CERS3: variants seen among roughly 807,000 people sequenced by gnomAD.
The protein encoded by CERS3 is ceramide synthase 3, also known as LAG1 homolog, ceramide synthase 3.
A neutral mutation model predicts 50.3 loss-of-function variants in CERS3; 33 were observed. That is an observed-to-expected ratio of 0.66 (90% CI 0.50 to 0.88). The LOEUF (loss-of-function observed/expected upper bound fraction) is 0.88, where lower values mean the gene tolerates loss of function less well. Among genes scored for constraint, CERS3 ranks in the 40% least tolerant of loss-of-function variants. The pLI, the probability that CERS3 is intolerant of heterozygous loss-of-function variation, is 0.00. For missense variants in CERS3, 470 were observed against 460.3 expected (o/e 1.02, Z -0.19); for synonymous variants, 176 against 155.2 (o/e 1.13, Z -0.99).
At chr15:100,410,619 C>T (rs1346836786) in intron 11 of CERS3, among the ~76,000 whole-genome samples, 1 of 152,172 alleles carries the variant, frequency 6.6e-6, no homozygotes, top group Non-Finnish European at 1.5e-5. Context: ...GATAGACGCA[C>T]TTCCAACTTC....
intron 11 of CERS3, among the ~76,000 whole-genome samples, chr15:100,438,475 T>G (rs2033531995): frequency 2.0e-5 from 3 of 152,230 alleles, no homozygotes; most frequent in Admixed American, 1.3e-4. Context: ...TATTTTAAAC[T>G]AATTTTCTGG....
At chr15:100,436,577 A>G (rs1283081371) in intron 11 of CERS3, among the ~76,000 whole-genome samples, 1 of 152,218 alleles carries the variant, frequency 6.6e-6, no homozygotes, top group African/African-American at 2.4e-5. Flanking sequence ...ACCATGGCAC[A>G]TGTATACATA....
chr15:100,460,824 C>T lies in CERS3; in HGVS notation c.846-4778G>A, dbSNP rs560570695. 3.5e-4 allele frequency among the ~76,000 whole-genome samples: 54 copies of T among 152,258 alleles called. 2 individuals carry two copies. The highest frequency in any genetic ancestry group is 4.1e-4 in the South Asian group (2 of 4,826). On this transcript the variant is annotated intron_variant, in intron 10 of 11. Transcript: ENST00000679737. ...AAAATACCTTCTTTACACAGTCTAC[C>T]GGAGAATGTGAATAATTAACTAAAC...
chr15:100,417,755 T>C (rs2032061482), intron 11 of CERS3, among the ~76,000 whole-genome samples: 1 of 151,780 alleles, frequency 6.6e-6, no homozygotes, highest in African/African-American at 2.4e-5. Flanking sequence ...GACTGCCTCC[T>C]CAAGTAGGTC....
Position 100,540,772 on chromosome 15 carries a change from C to T in CERS3, c.-355+3879G>A, listed in dbSNP as rs1420489462. Among the ~76,000 whole-genome samples, 15 of 152,194 alleles carry T rather than the reference C, an allele frequency of 9.9e-5. No individual in the cohort carries two copies. The East Asian group carries it at 2.3e-3, about 24-fold the overall frequency. On this transcript the variant is annotated intron_variant, in intron 1 of 12. Coordinates refer to the CERS3 transcript ENST00000284382. ...TCATCCTATGAGCCCAGATCTCACCCCAGAAACACTGTTGGGTTGACAAGA... is the reference window on the plus strand; with the variant it reads ...TCATCCTATGAGCCCAGATCTCACCTCAGAAACACTGTTGGGTTGACAAGA...
Position 100,472,918 on chromosome 15 carries a change from G to C in CERS3, c.738+6C>G, listed in dbSNP as rs1566775. The C allele has an allele frequency of 2.5e-6, 4 of 1,613,684 alleles. No individual in the cohort carries two copies. The highest frequency in any genetic ancestry group is 2.2e-5 in the South Asian group (2 of 91,074). ...TGTCATTAGTTTTTTAATGGCAAACGTTTACCTCCAGCCAAATGTCAGCCA... is the reference window on the plus strand; with the variant it reads ...TGTCATTAGTTTTTTAATGGCAAACCTTTACCTCCAGCCAAATGTCAGCCA... On this transcript the variant is annotated splice_donor_region_variant and intron_variant, in intron 9 of 11. Coordinates refer to ENST00000679737, the MANE Select transcript of CERS3 (RefSeq NM_001378789.1).
At chr15:100,432,836 T>G (rs1381539631) in intron 11 of CERS3, among the ~76,000 whole-genome samples, 1 of 152,208 alleles carries the variant, frequency 6.6e-6, no homozygotes, top group Non-Finnish European at 1.5e-5. Flanking sequence ...GCTTGATGAC[T>G]GGTATCTGAG....
At chr15:100,443,961 G>A (rs2033819668) in intron 11 of CERS3, among the ~76,000 whole-genome samples, 1 of 152,116 alleles carries the variant, frequency 6.6e-6, no homozygotes, top group African/African-American at 2.4e-5. Flanking sequence ...TCCGTTCCTT[G>A]AAGACAGCTT....
At chr15:100,417,583 C>T (rs916171679) in intron 11 of CERS3, among the ~76,000 whole-genome samples, 14 of 152,086 alleles carry the variant, frequency 9.2e-5, no homozygotes, top group African/African-American at 3.4e-4. Flanking sequence ...CCCACCACAG[C>T]TCAAGGAGGC....
chr15:100,402,825 T>C lies in CERS3; in HGVS notation c.1040A>G (p.Glu347Gly). 2.5e-6 allele frequency: 4 copies of C among 1,613,096 alleles called. No individual in the cohort carries two copies. The highest frequency in any genetic ancestry group is 3.4e-6 in the Non-Finnish European group (4 of 1,179,460). The part of the protein sequence containing the change: ...DVRSDDEDYE[E>G]EEEEEEEEAT... Reference sequence around the variant, plus strand: ...CTCTTCTTCTTCCTCTTCCTCTTCCTCTTCATAATCCTCGTCATCACTCCT... The same window carrying C: ...CTCTTCTTCTTCCTCTTCCTCTTCCCCTTCATAATCCTCGTCATCACTCCT... The change falls in exon 12 of 12, where the codon GAG becomes GGG. Residue 347 changes from glutamate (E) to glycine (G), a missense_variant. Coordinates refer to ENST00000679737, the MANE Select transcript of CERS3 (RefSeq NM_001378789.1).
At chr15:100,445,477 T>A (rs2033895013) in intron 11 of CERS3, among the ~76,000 whole-genome samples, 1 of 152,220 alleles carries the variant, frequency 6.6e-6, no homozygotes, top group Non-Finnish European at 1.5e-5. Context: ...TCCTCCCAAT[T>A]CTTAGTCCTT....
upstream of CERS3, among the ~76,000 whole-genome samples, chr15:100,531,472 A>T (rs939253381): frequency 6.6e-5 from 10 of 151,166 alleles, no homozygotes; most frequent in African/African-American, 1.9e-4. Flanking sequence ...GGAGCTGTGG[A>T]CCTATGTGTA....
intron 11 of CERS3, among the ~76,000 whole-genome samples, chr15:100,453,847 G>A (rs1020582895): frequency 6.6e-6 from 1 of 152,064 alleles, no homozygotes; most frequent in South Asian, 2.1e-4. Context: ...ATATATGAAC[G>A]ACACACTAGC....
chr15:100,466,853 C>CTCTCTCTCTT lies in CERS3; in HGVS notation c.845+2524_845+2525insAAGAGAGAGA, dbSNP rs1555528101. On this transcript the variant is annotated intron_variant, in intron 10 of 11. Transcript: ENST00000679737. ...TCTCCCTCTCTCCCTCTCTCTTTCT[C>CTCTCTCTCTT]TCTTTCTTTCTTTCTTTCTTGATGG... 1.9e-4 allele frequency among the ~76,000 whole-genome samples: 20 copies of CTCTCTCTCTT among 104,692 alleles called. 4 individuals are homozygous for CTCTCTCTCTT. Among genetic ancestry groups the CTCTCTCTCTT allele is most frequent in the South Asian group, 7.3e-4 (2 of 2,726 alleles). 68.7% of individuals were successfully genotyped at this position (104,692 alleles called of 152,430 possible).
At chr15:100,412,561 T>C (rs1384070987) in intron 11 of CERS3, among the ~76,000 whole-genome samples, 2 of 152,210 alleles carry the variant, frequency 1.3e-5, no homozygotes, top group African/African-American at 4.8e-5. Context: ...GAAGTTTGAA[T>C]CCAAGTTGCT....
At chr15:100,543,495 C>CTTCT (rs1241442787) in intron 1 of CERS3, among the ~76,000 whole-genome samples, 1 of 146,806 alleles carries the variant, frequency 6.8e-6, no homozygotes. Flanking sequence ...TCCTTCCTTC[C>CTTCT]TTCCTTCCCT....
At chr15:100,418,895 ACCACCAGG>A (rs1198959899) in intron 11 of CERS3, among the ~76,000 whole-genome samples, 5 of 152,076 alleles carry the variant, frequency 3.3e-5, no homozygotes, top group Admixed American at 6.6e-5. Flanking sequence ...AGATTTTGTC[ACCACCAGG>A]CCTGCCTTAC....
intron 11 of CERS3, among the ~76,000 whole-genome samples, chr15:100,450,474 T>TTCA (rs1227532644): frequency 1.3e-5 from 2 of 149,714 alleles, no homozygotes; most frequent in African/African-American, 4.9e-5. Flanking sequence ...TTTCAGAACT[T>TTCA]GAAGACAGGT....
In CERS3 at chr15:100,477,132, T is replaced by C. The variant is rs138427510; in HGVS notation, c.517-954A>G. Among the ~76,000 whole-genome samples the C allele has an allele frequency of 4.3e-3, 653 of 152,232 alleles. 7 individuals carry two copies. The highest frequency in any genetic ancestry group is 0.015 in the African/African-American group (619 of 41,550). On this transcript the variant is annotated intron_variant, in intron 7 of 11. Transcript: ENST00000679737. ...AGCCTAGCCTAAATTGACAATCAAA[T>C]CAAGAGAAAATAAATGGTTGTTGTT...
Sources: gnomAD v4.1 joint callset for allele counts (sites outside exome capture counted in the v4.1 genomes callset) on GRCh38, gnomAD v4.1.1 for gene constraint, MANE v1.5 for transcripts, NCBI Gene and HGNC (gene_info 2026-07-23, HGNC 2026-07-21) for gene names.